The following ANKFN1 variants were observed in gnomAD, a reference collection of about 807,000 sequenced individuals.
ANKFN1 encodes ankyrin repeat and fibronectin type-III domain-containing protein 1.
A neutral mutation model predicts 108.7 loss-of-function variants in ANKFN1; 74 were observed. The ratio of observed to expected loss-of-function variants is 0.68; its 90% CI spans 0.56 to 0.83. The LOEUF is 0.83. ANKFN1 is among the 40% of genes least tolerant of loss of function. ANKFN1 has a pLI of 0.00. For missense variants in ANKFN1, 1,505 were observed against 1,382.3 expected, an observed-to-expected ratio of 1.09 and a Z score of -1.41; for synonymous variants, 547 against 516.2, an observed-to-expected ratio of 1.06 and a Z score of -0.81.
intron 6 of ANKFN1, among the ~76,000 whole-genome samples, chr17:56,355,418 A>T (rs1310759836): frequency 6.6e-6 from 1 of 152,158 alleles, no homozygotes; most frequent in Non-Finnish European, 1.5e-5. Flanking sequence ...TAAGACTGAC[A>T]TACTGGAGGA....
chr17:56,205,023 C>T (rs1048024436), intron 1 of ANKFN1, among the ~76,000 whole-genome samples: 2 of 152,144 alleles, frequency 1.3e-5, no homozygotes, highest in African/African-American at 4.8e-5. Context: ...TAGCAGTGAG[C>T]CAAGACTGCA....
At chr17:56,087,574 G>A (rs9901788) in intron 4 of ANKFN1, among the ~76,000 whole-genome samples, 98,598 of 150,548 alleles carry the variant, frequency 0.65, 33,669 homozygotes, top group Middle Eastern at 0.75. Context: ...CTAGCCTCCA[G>A]AAAATTTTTC....
intron 8 of ANKFN1, among the ~76,000 whole-genome samples, chr17:56,425,226 G>C (rs1255368106): frequency 6.6e-6 from 1 of 152,056 alleles, no homozygotes; most frequent in African/African-American, 2.4e-5. Context: ...TAGAAATTTG[G>C]CTCACAGATG....
chr17:56,051,720 G>A (rs1447771802), intron 4 of ANKFN1, among the ~76,000 whole-genome samples: 1 of 143,672 alleles, frequency 7.0e-6, no homozygotes, highest in Non-Finnish European at 1.5e-5. Flanking sequence ...CTTCAGCAAA[G>A]TCTCAGGATA....
intron 3 of ANKFN1, among the ~76,000 whole-genome samples, chr17:56,260,165 G>T (rs1265488304): frequency 6.6e-6 from 1 of 152,160 alleles, no homozygotes; most frequent in Non-Finnish European, 1.5e-5. Context: ...GTGACTTCCT[G>T]TTTTGCAGAA....
chr17:56,094,497 T>TTTG (rs1905482797), intron 4 of ANKFN1, among the ~76,000 whole-genome samples: 1 of 63,790 alleles, frequency 1.6e-5, no homozygotes, highest in Admixed American at 1.4e-4. Flanking sequence ...TTTTTTTTTT[T>TTTG]TGAGGCGAAG....
At chr17:56,331,261 A>G (rs1454755009) in intron 4 of ANKFN1, among the ~76,000 whole-genome samples, 1 of 152,190 alleles carries the variant, frequency 6.6e-6, no homozygotes, top group Non-Finnish European at 1.5e-5. Flanking sequence ...TAAGTTCTAT[A>G]CATGGATTAT....
chr17:56,247,715 G>A (rs1490696750), intron 3 of ANKFN1, among the ~76,000 whole-genome samples: 1 of 152,114 alleles, frequency 6.6e-6, no homozygotes, highest in Non-Finnish European at 1.5e-5. Context: ...TCAAGTCTGA[G>A]ACCAAAACCC....
intron 9 of ANKFN1, among the ~76,000 whole-genome samples, chr17:56,442,023 TATAAAA>T: frequency 6.6e-6 from 1 of 152,078 alleles, no homozygotes; most frequent in African/African-American, 2.4e-5. Flanking sequence ...AAATGTAAAA[TATAAAA>T]ATTCAAGCAA....
chr17:56,482,637 C>A (rs975520693), intron 18 of ANKFN1, 113 bp downstream of exon 18: 2 of 1,309,342 alleles, frequency 1.5e-6, no homozygotes, highest in Non-Finnish European at 2.1e-6. Flanking sequence ...CACATGATGG[C>A]TTTGGCAACA....
intron 3 of ANKFN1, among the ~76,000 whole-genome samples, chr17:56,261,315 G>A (rs2043504893): frequency 6.6e-6 from 1 of 152,224 alleles, no homozygotes; most frequent in Non-Finnish European, 1.5e-5. Context: ...GCTAGCATTT[G>A]AGTTAACAGA....
rs890382809 is a variant in ANKFN1, at chr17:56,436,439, A to G, written c.911-3888A>G. 2.0e-5 allele frequency among the ~76,000 whole-genome samples: 3 copies of G among 152,198 alleles called. No individual in the cohort carries two copies. In the South Asian group the frequency reaches 6.2e-4, roughly 32 times the overall value. Reference sequence around the variant, plus strand: ...TTTTGTATAGTTTTAGAACCGGCTTATACGTGATTTTCTCAGGGTTTTAAT... The same window carrying G: ...TTTTGTATAGTTTTAGAACCGGCTTGTACGTGATTTTCTCAGGGTTTTAAT... On this transcript the variant is annotated intron_variant, in intron 8 of 20. Transcript: ENST00000682825.
chr17:56,229,661 CAAAAAAAA>C (rs58714064), intron 3 of ANKFN1, among the ~76,000 whole-genome samples: 2 of 40,194 alleles, frequency 5.0e-5, no homozygotes, highest in Non-Finnish European at 9.1e-5. Flanking sequence ...TTTCAGATTG[CAAAAAAAA>C]AAAAAAAAAA....
intron 3 of ANKFN1, among the ~76,000 whole-genome samples, chr17:56,273,554 T>C (rs983289018): frequency 1.3e-5 from 2 of 152,158 alleles, no homozygotes; most frequent in Non-Finnish European, 2.9e-5. Context: ...ACTCACCAGA[T>C]AGGGAATCTT....
At chr17:56,193,598 T>G (rs1913220166) in intron 1 of ANKFN1, among the ~76,000 whole-genome samples, 2 of 147,076 alleles carry the variant, frequency 1.4e-5, no homozygotes, top group Admixed American at 1.4e-4. Context: ...AAAAAAAGAA[T>G]CTAGACACAG....
chr17:56,131,112 A>T (rs1272733907), intron 4 of ANKFN1, among the ~76,000 whole-genome samples: 1 of 152,226 alleles, frequency 6.6e-6, no homozygotes, highest in Non-Finnish European at 1.5e-5. Flanking sequence ...AAAAATCTGT[A>T]GGGGAAACTG....
chr17:56,162,984 G>A (rs750667044), intron 1 of ANKFN1, among the ~76,000 whole-genome samples: 3 of 150,848 alleles, frequency 2.0e-5, no homozygotes, highest in Admixed American at 6.6e-5. Context: ...GCAGTGAGCC[G>A]AGATCGCGCC....
At chr17:56,221,714 A>T (rs1480671861) in intron 2 of ANKFN1, among the ~76,000 whole-genome samples, 1 of 152,248 alleles carries the variant, frequency 6.6e-6, no homozygotes, top group South Asian at 2.1e-4. Context: ...GAACACAGTT[A>T]TCTGTAGATG....
intron 4 of ANKFN1, among the ~76,000 whole-genome samples, chr17:56,072,405 A>G (rs1284454331): frequency 6.6e-6 from 1 of 152,014 alleles, no homozygotes; most frequent in Non-Finnish European, 1.5e-5. Context: ...TGTAATCAAC[A>G]CTAGATCAAG....
Sources: allele counts gnomAD v4.1 joint callset (sites outside exome capture counted in the v4.1 genomes callset), GRCh38; gene constraint gnomAD v4.1.1; transcripts MANE v1.5; gene names NCBI Gene and HGNC (gene_info 2026-07-23, HGNC 2026-07-21).